Variants in OLR1 observed in about 807,000 individuals in gnomAD.
The protein encoded by OLR1 is oxidized low-density lipoprotein receptor 1.
A neutral mutation model predicts 31.7 loss-of-function variants in OLR1; 23 were observed. The ratio of observed to expected loss-of-function variants is 0.72; its 90% CI spans 0.52 to 1.03. The LOEUF (loss-of-function observed/expected upper bound fraction) is 1.03, where lower values mean the gene tolerates loss of function less well. Among genes scored for constraint, OLR1 ranks in the 50% least tolerant of loss-of-function variants. The pLI, the probability that OLR1 is intolerant of heterozygous loss-of-function variation, is 0.00. For synonymous variants in OLR1, 117 were observed against 115.8 expected (o/e 1.01, Z -0.07); for missense variants, 286 against 315.7 (o/e 0.91, Z 0.71).
At chr12:10,163,647 G>A (rs1004354974) in intron 3 of OLR1, among the ~76,000 whole-genome samples, 4 of 151,386 alleles carry the variant, frequency 2.6e-5, no homozygotes, top group African/African-American at 4.9e-5. Context: ...AAAGCTCTTT[G>A]GTGGGCCGGG....
intron 2 of OLR1, chr12:10,167,190 G>A: frequency 2.4e-6 from 1 of 414,076 alleles, no homozygotes; most frequent in Non-Finnish European, 4.3e-6. Flanking sequence ...AAATTACCAA[G>A]ATTTTGGCCA....
In OLR1 at chr12:10,160,878, A is replaced by G. The variant is rs372771543; in HGVS notation, c.472T>C (p.Phe158Leu). 3.1e-6 allele frequency: 5 copies of G among 1,614,046 alleles called. No homozygotes were observed. In the African/African-American group the frequency reaches 4.0e-5, roughly 13 times the overall value. ...TCCCAGTTAAATGAGCCCGAGGAAA[A>G]TAGGTAACAGTTTTCTCCATGCCAG... ...WIWHGENCYL[F>L]SSGSFNWEKS... is the part of the protein sequence containing the mutation. The change falls in exon 4 of 6, where the codon TTT becomes CTT. Residue 158 changes from phenylalanine (F) to leucine (L), a missense_variant. Physicochemically the swap from Phe to Leu is conservative, Grantham distance 22. Transcript: ENST00000309539.
chr12:10,171,722 A>T (rs1948719826), intron 1 of OLR1, among the ~76,000 whole-genome samples: 1 of 152,182 alleles, frequency 6.6e-6, no homozygotes, highest in African/African-American at 2.4e-5. Context: ...TAGTAATAGT[A>T]CCAATCTCAA....
At chr12:10,176,043 C>T (rs1400203517), upstream of OLR1, among the ~76,000 whole-genome samples, 1 of 152,210 alleles carries the variant, frequency 6.6e-6, no homozygotes. Context: ...TGGACATAAG[C>T]TAATGATTCA....
At chr12:10,162,590 G>T (rs1948629325) in intron 3 of OLR1, among the ~76,000 whole-genome samples, 2 of 152,176 alleles carry the variant, frequency 1.3e-5, no homozygotes, top group South Asian at 4.1e-4. Context: ...CACTTTGGGA[G>T]GCTGAGGTGG....
At chr12:10,161,515 A>C (rs571877532) in intron 3 of OLR1, among the ~76,000 whole-genome samples, 1 of 152,212 alleles carries the variant, frequency 6.6e-6, no homozygotes, top group African/African-American at 2.4e-5. Context: ...TGTGTTGTCT[A>C]ATACAGTAGC....
At position 10,171,941 on chromosome 12, in the gene OLR1, T is replaced by C. The variant is rs771699663; in HGVS notation, c.76+61A>G. ...CTTTCTAATCCCATTCTTCGGTGAA[T>C]TTACATTTTGGGGCTAACACTGGGA... On this transcript the variant is annotated intron_variant, in intron 1 of 5. Coordinates refer to ENST00000309539, the MANE Select transcript of OLR1 (RefSeq NM_002543.4). 1.1e-5 allele frequency: 14 copies of C among 1,276,500 alleles called. No individual in the cohort carries two copies. In the East Asian group the frequency reaches 1.4e-4, roughly 13 times the overall value. 79.1% of individuals were successfully genotyped at this position (1,276,500 alleles called of 1,614,324 possible).
intron 3 of OLR1, among the ~76,000 whole-genome samples, chr12:10,164,118 C>G (rs2137509568): frequency 6.6e-6 from 1 of 152,250 alleles, no homozygotes; most frequent in South Asian, 2.1e-4. Context: ...TCTGAATGGT[C>G]CTGATGTAGA....
chr12:10,169,027 C>T (rs370790188), intron 2 of OLR1, 47 bp downstream of exon 2: 8 of 1,334,652 alleles, frequency 6.0e-6, no homozygotes, highest in South Asian at 2.7e-5. Flanking sequence ...ACCTCATTTC[C>T]AACACCCCTG....
At chr12:10,176,038 A>G (rs545227572), upstream of OLR1, among the ~76,000 whole-genome samples, 11 of 152,352 alleles carry the variant, frequency 7.2e-5, no homozygotes, top group African/African-American at 2.6e-4. Context: ...CTACCTGGAC[A>G]TAAGCTAATG....
chr12:10,165,665 G>A (rs1948655301), intron 3 of OLR1, among the ~76,000 whole-genome samples: 1 of 150,422 alleles, frequency 6.6e-6, no homozygotes, highest in African/African-American at 2.4e-5. Context: ...GGAGGCTGAG[G>A]CAAGAGAATC....
At chr12:10,175,076 T>C (rs866340791), upstream of OLR1, among the ~76,000 whole-genome samples, 1 of 152,156 alleles carries the variant, frequency 6.6e-6, no homozygotes, top group African/African-American at 2.4e-5. Context: ...TTTGAAAAAT[T>C]TTAGAGGGCT....
In OLR1 at chr12:10,165,757, T is replaced by C. The variant is rs565562427; in HGVS notation, c.424+955A>G. Among the ~76,000 whole-genome samples, 52 of 150,994 alleles carry C rather than the reference T, an allele frequency of 3.4e-4. 1 individual carries two copies. The highest frequency in any genetic ancestry group is 1.2e-3 in the African/African-American group (50 of 41,020). On this transcript the variant is annotated intron_variant, in intron 3 of 5. Coordinates refer to ENST00000309539, the MANE Select transcript of OLR1 (RefSeq NM_002543.4). The stretch of plus-strand genomic sequence containing the variant: ...GCCTGGGTGTGACACAGCGAGACTG[T>C]CTCAAAAAATAAAAAAAAAGAAAGA...
intron 3 of OLR1, among the ~76,000 whole-genome samples, chr12:10,161,926 T>G (rs1057158157): frequency 1.0e-5 from 1 of 98,168 alleles, no homozygotes; most frequent in Non-Finnish European, 2.1e-5. Context: ...ATTTTAATGA[T>G]ATATATATAT....
intron 2 of OLR1, among the ~76,000 whole-genome samples, chr12:10,168,860 C>A (rs1180003005): frequency 1.3e-5 from 2 of 152,114 alleles, no homozygotes; most frequent in East Asian, 3.8e-4. Flanking sequence ...AAAATGCCTA[C>A]CAATTGTAAT....
intron 3 of OLR1, among the ~76,000 whole-genome samples, chr12:10,163,382 A>G (rs1348685689): frequency 2.6e-5 from 4 of 152,154 alleles, no homozygotes; most frequent in African/African-American, 7.2e-5. Flanking sequence ...CTATTTACAT[A>G]CAGTAAAGTT....
Position 10,172,100 on chromosome 12 carries a change from A to AGAG in OLR1, c.-26_-24dup. ...CATTTCCAAATTCAAGCTAAGAATG[A>AGAG]GAGAGTGAAGCAGTCACGAACTTCA... On this transcript the variant is annotated 5_prime_UTR_variant, in exon 1 of 6. Coordinates refer to ENST00000309539, the MANE Select transcript of OLR1 (RefSeq NM_002543.4). 1 of 1,582,450 alleles carries AGAG rather than the reference A, an allele frequency of 6.3e-7. No homozygotes were observed. Among genetic ancestry groups the AGAG allele is most frequent in the Non-Finnish European group, 8.7e-7 (1 of 1,151,728 alleles).
chr12:10,167,007 C>T (rs774794642), intron 2 of OLR1, 50 bp from the exon 3 acceptor site: 1 of 1,545,814 alleles, frequency 6.5e-7, no homozygotes, highest in Non-Finnish European at 8.7e-7. Context: ...ATAAAAATCC[C>T]TCCAGGGACT....
intron 2 of OLR1, 100 bp from the exon 3 acceptor site, chr12:10,167,057 A>G: frequency 8.5e-7 from 1 of 1,170,970 alleles, no homozygotes; most frequent in Middle Eastern, 2.7e-4. Context: ...TATTTTGACA[A>G]TAGATAAGCT....
Sources: allele counts gnomAD v4.1 joint callset (sites outside exome capture counted in the v4.1 genomes callset), GRCh38; gene constraint gnomAD v4.1.1; transcripts MANE v1.5; gene names NCBI Gene and HGNC (gene_info 2026-07-23, HGNC 2026-07-21).